Variants in MYH8 observed in about 807,000 individuals in gnomAD.
MYH8 encodes the protein myosin-8.
MYH8 carries 168 observed loss-of-function variants against 233.2 expected under a neutral mutation model. The ratio of observed to expected loss-of-function variants is 0.72; its 90% CI spans 0.64 to 0.82. The LOEUF (loss-of-function observed/expected upper bound fraction) is 0.82, where lower values mean the gene tolerates loss of function less well. Among genes scored for constraint, MYH8 ranks in the 40% least tolerant of loss-of-function variants. MYH8 has a pLI of 0.00. For synonymous variants in MYH8, 785 were observed against 850.6 expected, an observed-to-expected ratio of 0.92 and a Z score of 1.34; for missense variants, 1,995 against 2,327.8, an observed-to-expected ratio of 0.86 and a Z score of 2.94.
At position 10,414,220 on chromosome 17, in the gene MYH8, T is replaced by A; in HGVS notation, c.980A>T (p.Asp327Val). ...SQGEITVPSIDDQEELMATDS... is the reference protein window; with the variant it reads ...SQGEITVPSIVDQEELMATDS... ...AGTGGCCATCAACTCTTCTTGGTCA[T>A]CAATACTGGGAACTGTGATCTCCCC... The change falls in exon 11 of 40, where the codon GAT becomes GTT. Residue 327 changes from aspartate (D) to valine (V), a missense_variant. This residue lies in a region of MYH8 where 479 missense variants were observed against 600.9 expected (regional missense o/e 0.80). Transcript: ENST00000403437. 6.2e-7 allele frequency: 1 copy of A among 1,614,206 alleles called. No individual in the cohort carries two copies. Among genetic ancestry groups the A allele is most frequent in the Non-Finnish European group, 8.5e-7 (1 of 1,180,014 alleles).
At chr17:10,407,130 C>A in intron 17 of MYH8, 151 bp from the exon 18 acceptor site, 1 of 694,492 alleles carries the variant, frequency 1.4e-6, no homozygotes, top group South Asian at 1.7e-5. Context: ...CTCAAGAGTT[C>A]TAGCCTGCCA....
intron 35 of MYH8, among the ~76,000 whole-genome samples, chr17:10,393,707 G>A (rs2072050995): frequency 6.6e-6 from 1 of 152,148 alleles, no homozygotes; most frequent in African/African-American, 2.4e-5. Flanking sequence ...CGTCTCAACA[G>A]GTATTTGAAA....
In MYH8 at chr17:10,414,274, T is replaced by TTGG. The variant is rs1458406909; in HGVS notation, c.923_925dup (p.Thr308dup). 1.9e-6 allele frequency: 3 copies of TTGG among 1,614,076 alleles called. No individual in the cohort carries two copies. In the Admixed American group the frequency reaches 5.0e-5, roughly 27 times the overall value. On this transcript the variant is annotated inframe_insertion, in exon 11 of 40. Transcript: ENST00000403437. ...ACTGACGAAGGCATAGTCATATGGG[T>TTGG]TGGTGGTGATCAGGAGCATTTCTGG... is the stretch of plus-strand genomic sequence containing the variant.
intron 34 of MYH8, 27 bp from the exon 35 acceptor site, chr17:10,394,479 TA>T (rs954038206): frequency 8.7e-6 from 14 of 1,611,754 alleles, no homozygotes; most frequent in East Asian, 4.5e-5. Context: ...AGAAAGGCCT[TA>T]AGTGTTCTGA....
rs538920815 is a variant in MYH8 at position 10,413,165 on chromosome 17, A to G, written c.1148-437T>C. 4.0e-4 allele frequency among the ~76,000 whole-genome samples: 61 copies of G among 152,366 alleles called. No homozygotes were observed. The Middle Eastern group carries it at 0.017, about 42-fold the overall frequency. On this transcript the variant is annotated intron_variant, in intron 12 of 39. Coordinates refer to ENST00000403437, the MANE Select transcript of MYH8 (RefSeq NM_002472.3). ...TTGCTGGATTAATTTCTTTATCTACAAATGTGGAGATTAAAATTTACTGCA... is the reference window on the plus strand; with the variant it reads ...TTGCTGGATTAATTTCTTTATCTACGAATGTGGAGATTAAAATTTACTGCA...
Position 10,406,035 on chromosome 17 carries a change from T to G in MYH8, c.2432+6A>C, listed in dbSNP as rs111692916. On this transcript the variant is annotated splice_donor_region_variant and intron_variant, in intron 21 of 39. Transcript: ENST00000403437. ...TTATAATTCTGATATTCTGAATGAT[T>G]GTTACCTCCTTTGCAACATCTTCTG... The G allele has an allele frequency of 5.8e-4, 933 of 1,613,638 alleles. 6 individuals are homozygous for G. The African/African-American group carries it at 0.011, about 19-fold the overall frequency.
In MYH8 at chr17:10,413,887, A is replaced by C. The variant is rs115518385; in HGVS notation, c.1147+15T>G. 2,391 of 1,613,986 alleles carry C rather than the reference A, an allele frequency of 1.5e-3. 31 individuals carry two copies. In the African/African-American group the frequency reaches 0.028, roughly 19 times the overall value. On this transcript the variant is annotated intron_variant, in intron 12 of 39. Coordinates refer to ENST00000403437, the MANE Select transcript of MYH8 (RefSeq NM_002472.3). ...ACATTCTCTCATTAAACCCAGATAA[A>C]GTTTCATTTGGTACCTTCTGTGCCA...
At chr17:10,397,239 G>C (rs1300069544) in intron 30 of MYH8, among the ~76,000 whole-genome samples, 1 of 152,084 alleles carries the variant, frequency 6.6e-6, no homozygotes, top group Non-Finnish European at 1.5e-5. Context: ...ACCATGCCCA[G>C]CTAATTTTTG....
chr17:10,404,566 GGATGCA>G lies in MYH8; in HGVS notation c.2446_2451del (p.Cys816_Ile817del). The G allele has an allele frequency of 6.2e-7, 1 of 1,613,806 alleles. No homozygotes were observed. The highest frequency in any genetic ancestry group is 8.5e-7 in the Non-Finnish European group (1 of 1,179,820). The stretch of plus-strand genomic sequence containing the variant: ...TTCATGAAGGCACGGACATTATACT[GGATGCA>G]GAAAAGTGCTTCTCTGCGATGACAT... On this transcript the variant is annotated inframe_deletion, in exon 22 of 40. Transcript: ENST00000403437.
In MYH8 at chr17:10,414,043, A is replaced by G. The variant is rs747782163; in HGVS notation, c.1009-3T>C. The G allele has an allele frequency of 3.1e-6, 5 of 1,614,156 alleles. No homozygotes were observed. The highest frequency in any genetic ancestry group is 4.2e-6 in the Non-Finnish European group (5 of 1,180,008). On this transcript the variant is annotated splice_region_variant and splice_polypyrimidine_tract_variant and intron_variant, in intron 11 of 39. Transcript: ENST00000403437. ...AAGCCCAGGATGTCAATGGCACTCTACCAGGAAAAATGAGAGGACAAAAGT... is the reference window on the plus strand; with the variant it reads ...AAGCCCAGGATGTCAATGGCACTCTGCCAGGAAAAATGAGAGGACAAAAGT...
chr17:10,419,512 A>G lies in MYH8; in HGVS notation c.211-482T>C, dbSNP rs1304288198. ...CATTTCAGAGTTTAATGTTAAGAAA[A>G]CCTGTTTCCTATGATGAGCTAGGAC... On this transcript the variant is annotated intron_variant, in intron 3 of 39. Coordinates refer to ENST00000403437, the MANE Select transcript of MYH8 (RefSeq NM_002472.3). This position sits in a 1 kb window ranked among gnomAD's most constrained non-coding sequence, Gnocchi z 4.0. 2.0e-5 allele frequency among the ~76,000 whole-genome samples: 3 copies of G among 152,108 alleles called. No individual in the cohort carries two copies. The highest frequency in any genetic ancestry group is 7.2e-5 in the African/African-American group (3 of 41,410).
In MYH8 at chr17:10,395,459, C is replaced by A; in HGVS notation, c.4654-18G>T. On this transcript the variant is annotated intron_variant, in intron 33 of 39. Transcript: ENST00000403437. ...AGAGATGCCTTAACAAAACAGTGATCAATTAATAATGGAGAAGAACCTGAG... is the reference window on the plus strand; with the variant it reads ...AGAGATGCCTTAACAAAACAGTGATAAATTAATAATGGAGAAGAACCTGAG... 2 of 1,612,958 alleles carry A rather than the reference C, an allele frequency of 1.2e-6. No individual in the cohort carries two copies. The highest frequency in any genetic ancestry group is 2.2e-5 in the South Asian group (2 of 91,038).
chr17:10,405,404 T>C (rs2072184309), intron 21 of MYH8, among the ~76,000 whole-genome samples: 1 of 152,182 alleles, frequency 6.6e-6, no homozygotes, highest in South Asian at 2.1e-4. Context: ...TCTCTATAGG[T>C]CCAGTTTTTA....
At position 10,415,122 on chromosome 17, in the gene MYH8, C is replaced by A; in HGVS notation, c.799G>T (p.Glu267Ter). 1 of 1,612,640 alleles carries A rather than the reference C, an allele frequency of 6.2e-7. No individual in the cohort carries two copies. The part of the protein sequence containing the change: ...TTGKLASADI[E>*]TYLLEKSRVT... ...CAATGGTCCTGTTACTCACATGTTT[C>A]TATATCAGCAGATGCCAGCTTCCCT... The change falls in exon 9 of 40, where the codon GAA becomes TAA. Residue 267 changes from glutamate (E) to a stop codon, truncating the protein, a stop_gained. Transcript: ENST00000403437. LOFTEE classifies it high-confidence loss of function. The surrounding 1 kb of genome is among the most constrained non-coding windows in gnomAD (Gnocchi z 4.1).
intron 17 of MYH8, among the ~76,000 whole-genome samples, chr17:10,407,767 A>G (rs984219127): frequency 5.3e-5 from 8 of 151,956 alleles, no homozygotes; most frequent in African/African-American, 1.9e-4. Flanking sequence ...TGATACCAGG[A>G]GGCAGAGTTT....
rs560863050 is a variant in MYH8 at position 10,391,954 on chromosome 17, A to G, written c.5592T>C (p.Val1864=). The G allele has an allele frequency of 5.6e-6, 9 of 1,614,138 alleles. No homozygotes were observed. In the African/African-American group the frequency reaches 1.2e-4, roughly 22 times the overall value. Residue 1864 remains valine, a synonymous_variant, in exon 39 of 40, where the codon GTT becomes GTC. Transcript: ENST00000403437. ...TYQTEEDRKN[V]LRLQDLVDKL... ...TATCTACCAAGTCCTGCAGCCTGAG[A>G]ACATTCTTGCGATCTTCTTCAGTCT...
chr17:10,411,990 T>C (rs1219328198), intron 14 of MYH8, among the ~76,000 whole-genome samples: 11 of 152,206 alleles, frequency 7.2e-5, no homozygotes. Flanking sequence ...AGAAGCCTTG[T>C]GTATGGATCA....
At chr17:10,395,050 AG>A (rs2072066370) in intron 34 of MYH8, 82 bp downstream of exon 34, 4 of 1,467,560 alleles carry the variant, frequency 2.7e-6, no homozygotes, top group Non-Finnish European at 3.8e-6. Flanking sequence ...AGAGAAAAAA[AG>A]GATCGTTTAA....
rs1019788696 is a variant in MYH8, at chr17:10,419,023, G to C, written c.218C>G (p.Thr73Ser). Residue 73 changes from threonine (T) to serine (S), a missense_variant, in exon 4 of 40, where the codon ACT (threonine) becomes AGT (serine). This residue lies in a region of MYH8 where 479 missense variants were observed against 600.9 expected (regional missense o/e 0.80). Coordinates refer to ENST00000403437, the MANE Select transcript of MYH8 (RefSeq NM_002472.3). This position sits in a 1 kb window ranked among gnomAD's most constrained non-coding sequence, Gnocchi z 4.0. ...TVKTEGGATL[T>S]VREDQVFPMN... ...AGGGAAGACTTGGTCTTCCCTGACA[G>C]TTAGAGTCTGGTGAGTAAGCAAGAA... The C allele has an allele frequency of 1.9e-6, 3 of 1,614,024 alleles. No individual in the cohort carries two copies. The highest frequency in any genetic ancestry group is 1.7e-6 in the Non-Finnish European group (2 of 1,180,022).
Sources: gnomAD v4.1 joint callset for allele counts (sites outside exome capture counted in the v4.1 genomes callset) on GRCh38, gnomAD v4.1.1 for gene constraint, gnomAD v4.1.1 regional missense constraint, Gnocchi (gnomAD v3.1) non-coding constraint, MANE v1.5 for transcripts, NCBI Gene and HGNC (gene_info 2026-07-23, HGNC 2026-07-21) for gene names.